Variants in RSPO2 observed in about 807,000 individuals in gnomAD.
RSPO2 encodes the protein R-spondin-2.
RSPO2 carries 14 observed loss-of-function variants against 30.9 expected under a neutral mutation model. That is an observed-to-expected ratio of 0.45 (90% CI 0.30 to 0.71). RSPO2 has a LOEUF of 0.71. Among genes scored for constraint, RSPO2 ranks in the 30% least tolerant of loss-of-function variants. The pLI is 0.08. For synonymous variants in RSPO2, 107 were observed against 96.4 expected (o/e 1.11, Z -0.64); for missense variants, 264 against 301.9 (o/e 0.87, Z 0.93).
intron 5 of RSPO2, among the ~76,000 whole-genome samples, chr8:107,916,912 G>A (rs73315490): frequency 0.085 from 12,880 of 152,170 alleles, 1,837 homozygotes; most frequent in African/African-American, 0.29. Context: ...ATGGTCAAAC[G>A]AATTAAAACT....
At chr8:107,916,187 C>T (rs1357388971) in intron 5 of RSPO2, among the ~76,000 whole-genome samples, 4 of 152,126 alleles carry the variant, frequency 2.6e-5, no homozygotes, top group African/African-American at 9.7e-5. Flanking sequence ...CTTCATGTGA[C>T]TTCAAAATGT....
intron 3 of RSPO2, among the ~76,000 whole-genome samples, chr8:107,968,325 G>T (rs1349790494): frequency 6.6e-6 from 1 of 152,096 alleles, no homozygotes; most frequent in African/African-American, 2.4e-5. Flanking sequence ...GGGACATTAT[G>T]TTAAGTGAAA....
intron 2 of RSPO2, among the ~76,000 whole-genome samples, chr8:107,995,050 C>A (rs1814969097): frequency 6.6e-6 from 1 of 152,036 alleles, no homozygotes; most frequent in East Asian, 1.9e-4. Context: ...CCAAAGGGAC[C>A]AAACAAGAAA....
chr8:108,028,577 G>A (rs942465091), intron 2 of RSPO2, among the ~76,000 whole-genome samples: 5 of 152,152 alleles, frequency 3.3e-5, no homozygotes, highest in Middle Eastern at 3.2e-3. Context: ...AAGGAACTGT[G>A]CATGGTAGAC....
chr8:107,976,652 T>C (rs1182638240), intron 3 of RSPO2, among the ~76,000 whole-genome samples: 5 of 152,122 alleles, frequency 3.3e-5, no homozygotes, highest in African/African-American at 1.2e-4. Context: ...GGGCTCAGAT[T>C]ATGTAGTTCA....
At chr8:107,911,751 C>T (rs922125545) in intron 5 of RSPO2, among the ~76,000 whole-genome samples, 1 of 152,176 alleles carries the variant, frequency 6.6e-6, no homozygotes, top group African/African-American at 2.4e-5. Context: ...CATAGCTCAG[C>T]AGTGATTCAA....
chr8:107,939,882 G>A (rs576751986), intron 5 of RSPO2, among the ~76,000 whole-genome samples: 11 of 151,984 alleles, frequency 7.2e-5, no homozygotes, highest in African/African-American at 4.8e-5. Context: ...AAACAGTATC[G>A]CTCCTAAAAA....
At chr8:108,003,299 ATATATATATATATTTTTT>A (rs1815326656) in intron 2 of RSPO2, among the ~76,000 whole-genome samples, 5 of 23,294 alleles carry the variant, frequency 2.1e-4, no homozygotes, top group African/African-American at 9.7e-4. Flanking sequence ...ATATATATAT[ATATATATATATATTTTTT>A]TTTTTTTTTT....
At chr8:107,983,425 C>A in intron 3 of RSPO2, 22 of 1,602,134 alleles carry the variant, frequency 1.4e-5, no homozygotes, top group Non-Finnish European at 1.8e-5. Flanking sequence ...ATCTCACAAA[C>A]CCTCTGTAGA....
chr8:108,081,794 A>T (rs1813206698), intron 2 of RSPO2: 3 of 455,692 alleles, frequency 6.6e-6, no homozygotes, highest in Non-Finnish European at 8.7e-6. Flanking sequence ...TTGAGAACAG[A>T]AGCCTCCACC....
intron 3 of RSPO2, 46 bp downstream of exon 3, chr8:107,989,010 A>G (rs766613368): frequency 6.1e-6 from 9 of 1,481,980 alleles, no homozygotes; most frequent in African/African-American, 5.8e-5. Context: ...CTCCTCTCCT[A>G]AGTTGCATAT....
At chr8:108,032,516 T>C (rs16877084) in intron 2 of RSPO2, among the ~76,000 whole-genome samples, 9,461 of 152,298 alleles carry the variant, frequency 0.062, 1,034 homozygotes, top group African/African-American at 0.22. Context: ...TAGATACATA[T>C]TATTTCCCCT....
intron 2 of RSPO2, among the ~76,000 whole-genome samples, chr8:108,006,579 A>G (rs1815459083): frequency 6.6e-6 from 1 of 151,610 alleles, no homozygotes; most frequent in South Asian, 2.1e-4. Context: ...ATTTTTATAG[A>G]TTTTTTTTAA....
chr8:107,923,523 G>C (rs899974083), intron 5 of RSPO2, among the ~76,000 whole-genome samples: 1 of 151,944 alleles, frequency 6.6e-6, no homozygotes, highest in African/African-American at 2.4e-5. Context: ...TCCTCAAAGA[G>C]CTAAAAACAA....
At chr8:107,988,447 C>A (rs1814726874) in intron 3 of RSPO2, among the ~76,000 whole-genome samples, 2 of 150,756 alleles carry the variant, frequency 1.3e-5, no homozygotes, top group African/African-American at 4.9e-5. Context: ...TTTATAAGCA[C>A]TGAGTAGGTA....
chr8:107,964,942 C>A (rs1444554969), intron 3 of RSPO2, among the ~76,000 whole-genome samples: 2 of 152,146 alleles, frequency 1.3e-5, no homozygotes, highest in African/African-American at 4.8e-5. Context: ...TAGGCCTACT[C>A]CCCAGAAATA....
At chr8:108,067,771 T>C (rs529511381) in intron 2 of RSPO2, among the ~76,000 whole-genome samples, 2 of 152,298 alleles carry the variant, frequency 1.3e-5, no homozygotes, top group South Asian at 4.2e-4. Flanking sequence ...TAGCAGCTCT[T>C]AGAGGACAGC....
At chr8:108,070,525 C>T (rs1236806955) in intron 2 of RSPO2, among the ~76,000 whole-genome samples, 2 of 151,918 alleles carry the variant, frequency 1.3e-5, no homozygotes, top group South Asian at 2.1e-4. Context: ...ATCTCCTGAC[C>T]TCATGATCCA....
chr8:108,044,595 C>CT (rs1811855431), intron 2 of RSPO2, among the ~76,000 whole-genome samples: 1 of 151,946 alleles, frequency 6.6e-6, no homozygotes, highest in Admixed American at 6.6e-5. Context: ...ACCATATTTT[C>CT]TTTATTCAAT....
Sources: allele counts gnomAD v4.1 joint callset (sites outside exome capture counted in the v4.1 genomes callset), GRCh38; gene constraint gnomAD v4.1.1; transcripts MANE v1.5; gene names NCBI Gene and HGNC (gene_info 2026-07-23, HGNC 2026-07-21).